Variants in SGCZ observed in about 807,000 individuals in gnomAD.
SGCZ encodes the protein sarcoglycan zeta, also known as zeta-sarcoglycan.
Under a neutral mutation model 41.3 loss-of-function variants are expected in SGCZ, and 40 were observed. The ratio of observed to expected loss-of-function variants is 0.97; its 90% CI spans 0.75 to 1.26. The LOEUF is 1.26. SGCZ is among the 50% of genes most tolerant of loss of function. The probability of loss-of-function intolerance (pLI) is 0.00; values close to 1 mark genes in which losing one functional copy is unlikely to be tolerated. For synonymous variants in SGCZ, 206 were observed against 137.5 expected (o/e 1.50, Z -3.49); for missense variants, 552 against 369.8 (o/e 1.49, Z -4.04).
chr8:14,626,910 T>C (rs1197465344), intron 1 of SGCZ, among the ~76,000 whole-genome samples: 2 of 152,282 alleles, frequency 1.3e-5, no homozygotes, highest in East Asian at 1.9e-4. Context: ...CATATTTATC[T>C]GTAGGTTGAG....
intron 1 of SGCZ, among the ~76,000 whole-genome samples, chr8:14,722,872 G>T (rs1585209737): frequency 6.6e-6 from 1 of 151,892 alleles, no homozygotes; most frequent in East Asian, 1.9e-4. Context: ...GTGTAAAGTC[G>T]GAAATAAAAT....
At chr8:14,669,997 G>A (rs1047309199) in intron 1 of SGCZ, among the ~76,000 whole-genome samples, 3 of 152,140 alleles carry the variant, frequency 2.0e-5, no homozygotes, top group African/African-American at 4.8e-5. Context: ...TACAAGTACA[G>A]CATGATATTT....
chr8:14,393,933 C>T lies in SGCZ; in HGVS notation c.235-69729G>A, dbSNP rs905595359. 2.6e-5 allele frequency among the ~76,000 whole-genome samples: 4 copies of T among 152,166 alleles called. 1 individual carries two copies. The highest frequency in any genetic ancestry group is 4.8e-5 in the African/African-American group (2 of 41,510). Reference sequence around the variant, plus strand: ...CATAAATTAGCTTTCAAATTTCTGACCATATTTTAAAATATATATTCATTT... The same window carrying T: ...CATAAATTAGCTTTCAAATTTCTGATCATATTTTAAAATATATATTCATTT... On this transcript the variant is annotated intron_variant, in intron 2 of 7. Transcript: ENST00000382080.
intron 1 of SGCZ, among the ~76,000 whole-genome samples, chr8:14,821,509 A>T (rs1353703111): frequency 1.3e-5 from 2 of 152,038 alleles, no homozygotes; most frequent in Non-Finnish European, 2.9e-5. Flanking sequence ...TAAGGAAATT[A>T]AAAAAATATA....
At chr8:14,721,716 T>A (rs2130186653) in intron 1 of SGCZ, among the ~76,000 whole-genome samples, 1 of 152,368 alleles carries the variant, frequency 6.6e-6, no homozygotes, top group Middle Eastern at 3.4e-3. Flanking sequence ...ATCACAGTAA[T>A]GTCATAACTC....
intron 1 of SGCZ, among the ~76,000 whole-genome samples, chr8:14,597,300 G>T (rs1266305112): frequency 6.6e-6 from 1 of 152,132 alleles, no homozygotes; most frequent in African/African-American, 2.4e-5. Flanking sequence ...TATATGGAGG[G>T]CATACAAAAG....
chr8:15,191,427 T>C (rs945786603), intron 1 of SGCZ, among the ~76,000 whole-genome samples: 2 of 152,098 alleles, frequency 1.3e-5, no homozygotes, highest in Non-Finnish European at 1.5e-5. Flanking sequence ...GGATTTATAC[T>C]GAACTATAAA....
At chr8:14,320,291 T>A (rs1801873642) in intron 3 of SGCZ, among the ~76,000 whole-genome samples, 1 of 151,786 alleles carries the variant, frequency 6.6e-6, no homozygotes, top group Admixed American at 6.6e-5. Context: ...TGTATATGAA[T>A]TAGCTAGTAT....
chr8:14,465,404 AT>A (rs1302735656), intron 2 of SGCZ, among the ~76,000 whole-genome samples: 1 of 151,652 alleles, frequency 6.6e-6, no homozygotes, highest in African/African-American at 2.4e-5. Context: ...ATGGAATATT[AT>A]TTTCCACCTT....
At chr8:14,661,664 A>T (rs1333899874) in intron 1 of SGCZ, among the ~76,000 whole-genome samples, 1 of 152,124 alleles carries the variant, frequency 6.6e-6, no homozygotes, top group African/African-American at 2.4e-5. Flanking sequence ...AGAGCTCTGA[A>T]ATCACAACCC....
intron 1 of SGCZ, among the ~76,000 whole-genome samples, chr8:15,233,824 G>A (rs1045675786): frequency 6.6e-6 from 1 of 152,030 alleles, no homozygotes; most frequent in Non-Finnish European, 1.5e-5. Context: ...CTTCCAGCCA[G>A]TCATCCCACT....
intron 1 of SGCZ, among the ~76,000 whole-genome samples, chr8:14,871,443 T>A (rs1435283097): frequency 6.6e-6 from 1 of 152,152 alleles, no homozygotes; most frequent in African/African-American, 2.4e-5. Context: ...CACATATGTT[T>A]ACTGCAGCAC....
At chr8:14,169,910 G>A (rs10099355) in intron 4 of SGCZ, among the ~76,000 whole-genome samples, 1 of 152,050 alleles carries the variant, frequency 6.6e-6, no homozygotes, top group Admixed American at 6.6e-5. Flanking sequence ...GAAAGGCAGA[G>A]ACCAGCATAG....
At chr8:14,255,554 T>C (rs113396659) in intron 3 of SGCZ, among the ~76,000 whole-genome samples, 1,865 of 152,158 alleles carry the variant, frequency 0.012, 18 homozygotes, top group South Asian at 0.028. Context: ...TGTTTTATCA[T>C]CGCTAAAAAG....
chr8:14,236,307 T>C (rs1216883519), intron 4 of SGCZ, among the ~76,000 whole-genome samples: 1 of 152,186 alleles, frequency 6.6e-6, no homozygotes, highest in Non-Finnish European at 1.5e-5. Flanking sequence ...TCACAAAATA[T>C]TATCCAGTTG....
chr8:15,065,535 C>G (rs1390671338), intron 1 of SGCZ, among the ~76,000 whole-genome samples: 1 of 151,704 alleles, frequency 6.6e-6, no homozygotes, highest in African/African-American at 2.4e-5. Context: ...ATCTCCACCT[C>G]CTAGGCTCAA....
At chr8:14,293,983 G>C (rs1463231442) in intron 3 of SGCZ, among the ~76,000 whole-genome samples, 1 of 151,590 alleles carries the variant, frequency 6.6e-6, no homozygotes, top group African/African-American at 2.4e-5. Flanking sequence ...ACAATCTATA[G>C]AGTACTATCT....
intron 2 of SGCZ, among the ~76,000 whole-genome samples, chr8:14,428,944 G>A (rs768200885): frequency 6.6e-6 from 1 of 152,104 alleles, no homozygotes; most frequent in African/African-American, 2.4e-5. Context: ...TAGAAATATG[G>A]CCCTTATTTT....
intron 1 of SGCZ, among the ~76,000 whole-genome samples, chr8:15,190,872 A>G (rs1210902240): frequency 6.6e-6 from 1 of 152,020 alleles, no homozygotes; most frequent in Non-Finnish European, 1.5e-5. Flanking sequence ...CCCTAATTCA[A>G]TCACAACTGG....
Sources: gnomAD v4.1 joint callset for allele counts (sites outside exome capture counted in the v4.1 genomes callset) on GRCh38, gnomAD v4.1.1 for gene constraint, MANE v1.5 for transcripts, NCBI Gene and HGNC (gene_info 2026-07-23, HGNC 2026-07-21) for gene names.